The following USP24 variants were observed in gnomAD, a reference collection of about 807,000 sequenced individuals.
USP24 encodes ubiquitin carboxyl-terminal hydrolase 24.
A neutral mutation model predicts 361.6 loss-of-function variants in USP24; 97 were observed. The observed-to-expected ratio is 0.27, with a 90% CI of 0.23 to 0.32. The LOEUF (loss-of-function observed/expected upper bound fraction) is 0.32, where lower values mean the gene tolerates loss of function less well. Ranked by LOEUF, USP24 falls within the 10% of genes least tolerant of loss-of-function variation. The pLI is 1.00. For synonymous variants in USP24, 1,098 were observed against 1,124.6 expected, an observed-to-expected ratio of 0.98 and a Z score of 0.47; for missense variants, 2,353 against 3,165.6, an observed-to-expected ratio of 0.74 and a Z score of 6.16.
intron 1 of USP24, among the ~76,000 whole-genome samples, chr1:55,204,467 G>A (rs1043670317): frequency 6.6e-6 from 1 of 151,166 alleles, no homozygotes; most frequent in African/African-American, 2.4e-5. Context: ...TGACACTAAA[G>A]AAATACTGCT....
Position 55,095,390 on chromosome 1 carries a change from G to C in USP24, c.6068C>G (p.Pro2023Arg). ...YRPKVYDQTNPYTDVRRRYWN... is the reference protein window; with the variant it reads ...YRPKVYDQTNRYTDVRRRYWN... ...GTATCTTCGGCGCACATCAGTGTAT[G>C]GGTTTGCTTTATAACAAGACATTAA... is the stretch of plus-strand genomic sequence containing the variant. Residue 2023 changes from proline (P) to arginine (R), a missense_variant, in exon 51 of 68, where the codon CCA becomes CGA. By Grantham distance (103) the Pro-to-Arg change is moderately radical. Transcript: ENST00000294383. 1 of 1,608,140 alleles carries C rather than the reference G, an allele frequency of 6.2e-7. No individual in the cohort carries two copies. Among genetic ancestry groups the C allele is most frequent in the Non-Finnish European group, 8.5e-7 (1 of 1,177,666 alleles).
chr1:55,094,333 C>A (rs1342178381), intron 51 of USP24, among the ~76,000 whole-genome samples: 2 of 151,964 alleles, frequency 1.3e-5, no homozygotes, highest in African/African-American at 4.8e-5. Flanking sequence ...TAGTGCAGGG[C>A]AAATTTAACA....
rs1645414338 is a variant in USP24, at chr1:55,092,935, A to G, written c.6355-19T>C. 1 of 1,461,698 alleles carries G rather than the reference A, an allele frequency of 6.8e-7. No homozygotes were observed. The highest frequency in any genetic ancestry group is 1.4e-5 in the South Asian group (1 of 73,006). 90.5% of individuals were successfully genotyped at this position (1,461,698 alleles called of 1,614,324 possible). A position where few individuals can be genotyped will look rare whatever the true frequency, so the allele number is the denominator to read the frequency against. On this transcript the variant is annotated intron_variant, in intron 52 of 67. Transcript: ENST00000294383. The stretch of plus-strand genomic sequence containing the variant: ...TCACCATCTACAAAAGAAGATTAAT[A>G]ATTATTTTTATGAAATGGAAAAATA...
At chr1:55,206,749 A>C (rs562519303) in intron 1 of USP24, among the ~76,000 whole-genome samples, 1 of 151,998 alleles carries the variant, frequency 6.6e-6, no homozygotes, top group Non-Finnish European at 1.5e-5. Context: ...AATATTTAGG[A>C]TAAGAATAGG....
At chr1:55,083,719 T>G in intron 57 of USP24, 53 bp downstream of exon 57, 1 of 1,379,472 alleles carries the variant, frequency 7.2e-7, no homozygotes, top group Non-Finnish European at 9.8e-7. Flanking sequence ...AAAAATTTTT[T>G]AGAGTATAAA....
At position 55,147,813 on chromosome 1, in the gene USP24, C is replaced by T. The variant is rs1308790299; in HGVS notation, c.1969-15G>A. The T allele has an allele frequency of 1.2e-6, 2 of 1,607,424 alleles. No individual in the cohort carries two copies. Among genetic ancestry groups the T allele is most frequent in the South Asian group, 2.2e-5 (2 of 90,084 alleles). On this transcript the variant is annotated splice_polypyrimidine_tract_variant and intron_variant, in intron 17 of 67. Coordinates refer to ENST00000294383, the MANE Select transcript of USP24 (RefSeq NM_015306.3). ...TGAATAATGCTCTTGGCGAAAATAA[C>T]AAAAAGAAAAGTGGTAATGAGAATT...
chr1:55,212,951 T>C (rs1644884451), intron 1 of USP24, among the ~76,000 whole-genome samples: 1 of 152,218 alleles, frequency 6.6e-6, no homozygotes, highest in African/African-American at 2.4e-5. Flanking sequence ...TGTACTTACA[T>C]GTACTGGCAG....
chr1:55,145,625 C>T (rs1471589441), intron 20 of USP24, among the ~76,000 whole-genome samples: 5 of 152,100 alleles, frequency 3.3e-5, no homozygotes, highest in Non-Finnish European at 7.4e-5. Flanking sequence ...CATTTGTACA[C>T]TTTAAAAAGT....
At chr1:55,192,564 A>G (rs1379477186) in intron 1 of USP24, among the ~76,000 whole-genome samples, 2 of 152,242 alleles carry the variant, frequency 1.3e-5, no homozygotes, top group African/African-American at 4.8e-5. Context: ...TTAGAAACAT[A>G]TATGTGAAGA....
intron 38 of USP24, among the ~76,000 whole-genome samples, chr1:55,113,615 C>T (rs59833022): frequency 0.039 from 5,919 of 152,236 alleles, 368 homozygotes; most frequent in African/African-American, 0.14. Flanking sequence ...CTGATGACAT[C>T]GATGCGAAAA....
At chr1:55,207,099 A>T (rs1426023014) in intron 1 of USP24, among the ~76,000 whole-genome samples, 13 of 152,158 alleles carry the variant, frequency 8.5e-5, no homozygotes, top group Non-Finnish European at 1.9e-4. Context: ...CAGAGGCTAC[A>T]ATCAGCCAAA....
chr1:55,110,374 T>A, intron 38 of USP24, 128 bp from the exon 39 acceptor site: 1 of 661,148 alleles, frequency 1.5e-6, no homozygotes, highest in Non-Finnish European at 2.5e-6. Context: ...TACTTTTATA[T>A]TAACTCAAAT....
Position 55,098,532 on chromosome 1 carries a change from C to G in USP24, c.5397G>C (p.Lys1799Asn). ...CAGAGTAGATGCCCTGAAATGTATT[C>G]TTAAAAATTTGGTCTCTCCCCATTT... ...LKKMGRDQIF[K>N]NTFQGIYSDQ... Residue 1799 changes from lysine (K) to asparagine (N), a missense_variant, in exon 46 of 68, where the codon AAG becomes AAC. This residue lies in a region of USP24 where 105 missense variants were observed against 200.3 expected (regional missense o/e 0.52). Transcript: ENST00000294383. The G allele has an allele frequency of 6.2e-7, 1 of 1,612,444 alleles. No individual in the cohort carries two copies. Among genetic ancestry groups the G allele is most frequent in the Non-Finnish European group, 8.5e-7 (1 of 1,179,188 alleles).
chr1:55,194,597 G>C lies in USP24; in HGVS notation c.325-16465C>G, dbSNP rs186252165. On this transcript the variant is annotated intron_variant, in intron 1 of 67. Transcript: ENST00000294383. ...AGGCTGGGCGACAGAGGGAGACCCT[G>C]TCTCAAAAAAAAAAGAAAAAAGAAA... Among the ~76,000 whole-genome samples the C allele has an allele frequency of 2.9e-3, 442 of 151,588 alleles. 2 individuals carry two copies. Among genetic ancestry groups the C allele is most frequent in the Non-Finnish European group, 4.5e-3 (308 of 67,860 alleles).
At chr1:55,106,008 A>G (rs1645762677) in intron 41 of USP24, 138 bp downstream of exon 41, 3 of 735,724 alleles carry the variant, frequency 4.1e-6, no homozygotes, top group Admixed American at 2.5e-5. Flanking sequence ...CTTCATGTGC[A>G]TTTCTTCATT....
At chr1:55,160,609 A>G (rs1391155965) in intron 8 of USP24, among the ~76,000 whole-genome samples, 2 of 152,224 alleles carry the variant, frequency 1.3e-5, no homozygotes, top group Non-Finnish European at 2.9e-5. Context: ...GAATGAATTT[A>G]ATTTTGGATG....
chr1:55,164,294 C>G (rs1759497), intron 7 of USP24, among the ~76,000 whole-genome samples: 131,704 of 152,020 alleles, frequency 0.87, 57,135 homozygotes, highest in East Asian at 1. Flanking sequence ...AGAAAGGCAT[C>G]TGTTAAACTG....
chr1:55,183,999 A>G (rs1026010343), intron 1 of USP24, among the ~76,000 whole-genome samples: 3 of 152,086 alleles, frequency 2.0e-5, no homozygotes, highest in Non-Finnish European at 4.4e-5. Context: ...ATTGGGGGGG[A>G]AAAAAGGACA....
rs759060150 is a variant in USP24 at position 55,094,037 on chromosome 1, T to C, written c.6254A>G (p.His2085Arg). Residue 2085 changes from histidine (H) to arginine (R), a missense_variant, in exon 52 of 68, where the codon CAT (histidine) becomes CGT (arginine). By Grantham distance (29) the His-to-Arg change is conservative. This residue lies in a region of USP24 where 598 missense variants were observed against 761.9 expected (regional missense o/e 0.78). Coordinates refer to ENST00000294383, the MANE Select transcript of USP24 (RefSeq NM_015306.3). Reference protein sequence around the residue: ...EISPQSSPRPHRPNNDRLSIL... With the variant: ...EISPQSSPRPRRPNNDRLSIL... ...AGACAGCCGGTCATTGTTCGGCCTA[T>C]GGGGCCGAGGGGATGACTGAGGTGA... 5.0e-6 allele frequency: 8 copies of C among 1,613,704 alleles called. No homozygotes were observed. Among genetic ancestry groups the C allele is most frequent in the Non-Finnish European group, 6.8e-6 (8 of 1,179,808 alleles).
Sources: allele counts gnomAD v4.1 joint callset (sites outside exome capture counted in the v4.1 genomes callset), GRCh38; gene constraint gnomAD v4.1.1; regional missense constraint gnomAD v4.1.1; transcripts MANE v1.5; gene names NCBI Gene and HGNC (gene_info 2026-07-23, HGNC 2026-07-21).